The following TVP23C variants were observed in gnomAD, a reference collection of about 807,000 sequenced individuals.
The protein encoded by TVP23C is trans-golgi network vesicle protein 23 homolog C.
In TVP23C, 19 loss-of-function variants were observed where a neutral mutation model predicts 28.7. The ratio of observed to expected loss-of-function variants is 0.66; its 90% confidence interval spans 0.46 to 0.97. The LOEUF is 0.97. TVP23C is among the 50% of genes least tolerant of loss of function. The pLI is 0.00. For synonymous variants in TVP23C, 68 were observed against 81.7 expected, an observed-to-expected ratio of 0.83 and a Z score of 0.90; for missense variants, 186 against 241.3, an observed-to-expected ratio of 0.77 and a Z score of 1.52.
At chr17:15,506,945 A>C in intron 5 of TVP23C, 1 of 1,201,744 alleles carries the variant, frequency 8.3e-7, no homozygotes, top group South Asian at 1.2e-5. Flanking sequence ...CTGTTTGCAA[A>C]CAAGATTCCA....
intron 5 of TVP23C, among the ~76,000 whole-genome samples, chr17:15,505,208 C>A (rs111318089): frequency 2.6e-4 from 40 of 152,252 alleles, no homozygotes; most frequent in East Asian, 7.7e-4. Flanking sequence ...ACAAAAAAAA[C>A]CCCTGCATGT....
At chr17:15,513,165 C>T (rs1410969580) in intron 5 of TVP23C, among the ~76,000 whole-genome samples, 3 of 152,182 alleles carry the variant, frequency 2.0e-5, no homozygotes, top group Non-Finnish European at 4.4e-5. Context: ...AGGCCAGGAA[C>T]AGTCCTTAGG....
chr17:15,561,008 T>C (rs1367229742), intron 1 of TVP23C, among the ~76,000 whole-genome samples: 5 of 151,970 alleles, frequency 3.3e-5, no homozygotes, highest in Admixed American at 2.6e-4. Flanking sequence ...CAGGACACAG[T>C]AGACAGGAAG....
At chr17:15,520,570 T>C (rs1359760372) in intron 5 of TVP23C, among the ~76,000 whole-genome samples, 1 of 149,464 alleles carries the variant, frequency 6.7e-6, no homozygotes, top group Admixed American at 6.7e-5. Context: ...AGTTATTTTA[T>C]GTATCTTGTC....
At chr17:15,518,904 G>A (rs1321940707) in intron 5 of TVP23C, among the ~76,000 whole-genome samples, 2 of 152,130 alleles carry the variant, frequency 1.3e-5, no homozygotes, top group Non-Finnish European at 2.9e-5. Flanking sequence ...GACCTGGTGC[G>A]GGTGACTGCA....
At chr17:15,515,470 G>C (rs537731567) in intron 5 of TVP23C, among the ~76,000 whole-genome samples, 1 of 152,166 alleles carries the variant, frequency 6.6e-6, no homozygotes, top group Admixed American at 6.5e-5. Flanking sequence ...GCCTCCACTC[G>C]GGAAACATAC....
chr17:15,557,255 T>C (rs1331557887), intron 1 of TVP23C, among the ~76,000 whole-genome samples: 2 of 148,372 alleles, frequency 1.3e-5, no homozygotes, highest in African/African-American at 4.9e-5. Context: ...CCTACCTCCA[T>C]ATAGATTAAG....
downstream of TVP23C, among the ~76,000 whole-genome samples, chr17:15,534,598 C>A (rs1034965897): frequency 8.1e-5 from 12 of 148,294 alleles, no homozygotes; most frequent in Admixed American, 6.0e-4. Flanking sequence ...CACACACACA[C>A]ACACACACAC....
chr17:15,562,195 T>C (rs1173029540), intron 1 of TVP23C: 1 of 152,248 alleles, frequency 6.6e-6, no homozygotes, highest in Non-Finnish European at 1.5e-5. Flanking sequence ...GGACTCACCC[T>C]GAATTCCTTC....
At position 15,539,679 on chromosome 17, in the gene TVP23C, C is replaced by T; in HGVS notation, c.*733G>A. 9 of 985,002 alleles carry T rather than the reference C, an allele frequency of 9.1e-6. No homozygotes were observed. In the South Asian group the frequency reaches 2.8e-4, roughly 31 times the overall value. 61.0% of individuals were successfully genotyped at this position (985,002 alleles called of 1,614,324 possible). ...TAATTATTTACCTATGACTACTACT[C>T]ATCCTGCTGAAAACCCTGATGTTGA... On this transcript the variant is annotated 3_prime_UTR_variant, in exon 6 of 6. Coordinates refer to ENST00000518321, the MANE Select transcript of TVP23C (RefSeq NM_001135036.2).
chr17:15,560,267 T>C (rs960207137), intron 1 of TVP23C, among the ~76,000 whole-genome samples: 6 of 149,188 alleles, frequency 4.0e-5, no homozygotes, highest in African/African-American at 9.7e-5. Context: ...GGTTTCACCA[T>C]GTTGGCCAGG....
chr17:15,542,068 C>A (rs1469414735), intron 5 of TVP23C, among the ~76,000 whole-genome samples: 10 of 152,134 alleles, frequency 6.6e-5, no homozygotes, highest in African/African-American at 2.4e-4. Flanking sequence ...CTAATACCAA[C>A]AAACACAAAA....
At chr17:15,555,235 A>G (rs1337553719) in intron 2 of TVP23C, 47 bp downstream of exon 2, 31 of 1,613,430 alleles carry the variant, frequency 1.9e-5, no homozygotes, top group Non-Finnish European at 2.6e-5. Flanking sequence ...ACATACATAC[A>G]GAACAACACT....
At chr17:15,504,360 A>C (rs72824493) in intron 5 of TVP23C, among the ~76,000 whole-genome samples, 8,773 of 152,194 alleles carry the variant, frequency 0.058, 308 homozygotes, top group Non-Finnish European at 0.073. Context: ...CAGAAAAGAG[A>C]GGCAGAATTG....
intron 5 of TVP23C, among the ~76,000 whole-genome samples, 184 bp downstream of exon 5, chr17:15,545,601 T>A (rs570052381): frequency 6.6e-6 from 1 of 152,300 alleles, no homozygotes. Flanking sequence ...AGGGGTTTTT[T>A]AGGATCTCTT....
rs1019144 is a variant in TVP23C at position 15,547,500 on chromosome 17, A to G, written c.241-352T>C. Among the ~76,000 whole-genome samples, 4 of 152,326 alleles carry G rather than the reference A, an allele frequency of 2.6e-5. No homozygotes were observed. In the South Asian group the frequency reaches 6.2e-4, roughly 24 times the overall value. ...CTTTACATCCTGACTATAGCTACAT[A>G]TATTTTACAACTACATATCCCTGAA... On this transcript the variant is annotated intron_variant, in intron 3 of 5. Transcript: ENST00000518321.
chr17:15,531,350 A>T (rs1165659675), intron 5 of TVP23C, among the ~76,000 whole-genome samples: 1 of 152,156 alleles, frequency 6.6e-6, no homozygotes, highest in East Asian at 1.9e-4. Context: ...ATTTCATTGA[A>T]TTTGGGAAGT....
rs1372055064 is a variant in TVP23C at position 15,540,036 on chromosome 17, T to C, written c.*376A>G. On this transcript the variant is annotated 3_prime_UTR_variant, in exon 6 of 6. Transcript: ENST00000518321. ...TGAACCCGGGGGGCAGAGGTTGCAG[T>C]GAGCCGAGATTGCACCACTGCACTC... 3 of 992,928 alleles carry C rather than the reference T, an allele frequency of 3.0e-6. No homozygotes were observed. The highest frequency in any genetic ancestry group is 1.9e-4 in the East Asian group (2 of 10,514). 61.5% of individuals were successfully genotyped at this position (992,928 alleles called of 1,614,324 possible). A position where few individuals can be genotyped will look rare whatever the true frequency, so the allele number is the denominator to read the frequency against.
At chr17:15,504,740 G>A (rs955650082) in intron 5 of TVP23C, among the ~76,000 whole-genome samples, 1 of 151,976 alleles carries the variant, frequency 6.6e-6, no homozygotes, top group Non-Finnish European at 1.5e-5. Context: ...CTCACTATTT[G>A]GCCCAGCTTG....
Sources: allele counts gnomAD v4.1 joint callset (sites outside exome capture counted in the v4.1 genomes callset), GRCh38; gene constraint gnomAD v4.1.1; transcripts MANE v1.5; gene names NCBI Gene and HGNC (gene_info 2026-07-23, HGNC 2026-07-21).